Variants in U2SURP observed in about 807,000 individuals in gnomAD.
The protein encoded by U2SURP is U2 snRNP-associated SURP motif-containing protein.
A neutral mutation model predicts 144.9 loss-of-function variants in U2SURP; 9 were observed. That is an observed-to-expected ratio of 0.06 (90% CI 0.04 to 0.11). U2SURP has a LOEUF of 0.11. Ranked by LOEUF, U2SURP falls within the 10% of genes least tolerant of loss-of-function variation. The pLI is 1.00. For synonymous variants in U2SURP, 408 were observed against 396.8 expected, an observed-to-expected ratio of 1.03 and a Z score of -0.33; for missense variants, 724 against 1,226.7, an observed-to-expected ratio of 0.59 and a Z score of 6.12.
rs1392769861 is a variant in U2SURP, at chr3:143,036,157, G to A, written c.2064+53G>A. ...TTTTAAAATTCGTTTCTGGGGTGGA[G>A]GTTTCTTGGAGTTGTTCTGTGTTAC... On this transcript the variant is annotated intron_variant, in intron 20 of 27. Coordinates refer to ENST00000473835, the MANE Select transcript of U2SURP (RefSeq NM_001080415.2). 6 of 1,529,940 alleles carry A rather than the reference G, an allele frequency of 3.9e-6. No homozygotes were observed. In the South Asian group the frequency reaches 6.7e-5, roughly 17 times the overall value. The allele number at this position is 1,529,940 out of a possible 1,614,324, so 94.8% of individuals were successfully genotyped here. A position where few individuals can be genotyped will look rare whatever the true frequency, so the allele number is the denominator to read the frequency against.
Position 143,004,585 on chromosome 3 carries a change from C to CG in U2SURP, c.45+2913dup, listed in dbSNP as rs5853087. Among the ~76,000 whole-genome samples, 3 of 90,762 alleles carry CG rather than the reference C, an allele frequency of 3.3e-5. 1 individual carries two copies. The highest frequency in any genetic ancestry group is 6.3e-5 in the Non-Finnish European group (3 of 47,940). The allele number at this position is 90,762 out of a possible 152,430, so 59.5% of individuals were successfully genotyped here. ...TCTTGACCTTGTGACCCCCCCCCCC[C>CG]GCCTCGGCCTCCCAAAGTGCGGGGA... On this transcript the variant is annotated intron_variant, in intron 1 of 27. Coordinates refer to ENST00000473835, the MANE Select transcript of U2SURP (RefSeq NM_001080415.2).
chr3:143,058,669 G>A lies in U2SURP; in HGVS notation c.*2219G>A, dbSNP rs2108325854. On this transcript the variant is annotated 3_prime_UTR_variant, in exon 28 of 28. Transcript: ENST00000473835. ...GAGTAAACCTACTTAATACTCCCAT[G>A]GATTCTATGAAAGTTTAATGGGATC... The A allele has an allele frequency of 6.6e-6, 1 of 151,784 alleles. No individual in the cohort carries two copies. Among genetic ancestry groups the A allele is most frequent in the East Asian group, 1.9e-4 (1 of 5,184 alleles). The allele number at this position is 151,784 out of a possible 1,614,324, so 9.4% of individuals were successfully genotyped here. A position where few individuals can be genotyped will look rare whatever the true frequency, so the allele number is the denominator to read the frequency against.
At chr3:143,038,805 T>A in intron 22 of U2SURP, 89 bp from the exon 23 acceptor site, 3 of 961,420 alleles carry the variant, frequency 3.1e-6, no homozygotes, top group Non-Finnish European at 4.5e-6. Context: ...ATATAAACTT[T>A]TCAATTCTAA....
Position 143,001,589 on chromosome 3 carries a change from C to A in U2SURP, c.-40C>A, listed in dbSNP as rs775174964. ...TCCGCTCTTTCGGTGCTCGACTCGC[C>A]CGTGCTGCTGCCGCCGCCGAAGGAG... is the stretch of plus-strand genomic sequence containing the variant. On this transcript the variant is annotated 5_prime_UTR_variant, in exon 1 of 28. Transcript: ENST00000473835. The A allele has an allele frequency of 1.2e-6, 2 of 1,612,248 alleles. No homozygotes were observed.
chr3:143,050,435 A>G (rs1560206737), intron 24 of U2SURP, among the ~76,000 whole-genome samples: 1 of 152,054 alleles, frequency 6.6e-6, no homozygotes. Flanking sequence ...ATGTGATTTA[A>G]CCTTTTCTTT....
At chr3:143,046,925 G>A (rs1463204365) in intron 24 of U2SURP, among the ~76,000 whole-genome samples, 6 of 103,506 alleles carry the variant, frequency 5.8e-5, no homozygotes, top group African/African-American at 1.8e-4. Flanking sequence ...CCTCCCGGAC[G>A]GGGCGGCTGG....
At chr3:143,020,738 G>C (rs759828151) in intron 8 of U2SURP, 45 bp downstream of exon 8, 1 of 1,443,756 alleles carries the variant, frequency 6.9e-7, no homozygotes, top group African/African-American at 1.4e-5. Context: ...ATTAATTACA[G>C]TAGTTCCCAC....
Position 143,024,147 on chromosome 3 carries a change from G to A in U2SURP, c.1274+129G>A, listed in dbSNP as rs561905986. 6.7e-5 allele frequency: 53 copies of A among 790,302 alleles called. No individual in the cohort carries two copies. In the South Asian group the frequency reaches 7.7e-4, roughly 12 times the overall value. The allele number at this position is 790,302 out of a possible 1,614,324, so 49.0% of individuals were successfully genotyped here. ...ATGGTTCCTTCCCAGTACTTTTTGC[G>A]GGGGGATGTGTGAAATTTAACTAAC... On this transcript the variant is annotated intron_variant, in intron 13 of 27. Transcript: ENST00000473835.
chr3:143,005,316 G>A (rs1254470558), intron 1 of U2SURP, among the ~76,000 whole-genome samples: 1 of 152,170 alleles, frequency 6.6e-6, no homozygotes, highest in African/African-American at 2.4e-5. Context: ...TAAGTAAACT[G>A]AGGACCTGTT....
rs1443177386 is a variant in U2SURP at position 143,060,585 on chromosome 3, C to T, written c.*4135C>T. ...TGTAATTTTCTCCATATTGTTTTTC[C>T]GATGCAAGCCCAGTTAATAATTAGT... On this transcript the variant is annotated 3_prime_UTR_variant, in exon 28 of 28. Coordinates refer to ENST00000473835, the MANE Select transcript of U2SURP (RefSeq NM_001080415.2). 6.6e-6 allele frequency: 1 copy of T among 151,804 alleles called. No individual in the cohort carries two copies. Among genetic ancestry groups the T allele is most frequent in the Non-Finnish European group, 1.5e-5 (1 of 67,810 alleles). The allele number at this position is 151,804 out of a possible 1,614,324, so 9.4% of individuals were successfully genotyped here. A position where few individuals can be genotyped will look rare whatever the true frequency, so the allele number is the denominator to read the frequency against.
In U2SURP at chr3:143,020,637, G is replaced by T. The variant is rs1418385860; in HGVS notation, c.677G>T (p.Gly226Val). 2 of 1,612,992 alleles carry T rather than the reference G, an allele frequency of 1.2e-6. No individual in the cohort carries two copies. The highest frequency in any genetic ancestry group is 8.5e-7 in the Non-Finnish European group (1 of 1,179,480). Reference sequence around the variant, plus strand: ...CGTGATGAGAGACATAAAACAAAAGGCAGATTAAGTCGATTTGAACCTCCT... The same window carrying T: ...CGTGATGAGAGACATAAAACAAAAGTCAGATTAAGTCGATTTGAACCTCCT... ...EERDERHKTK[G>V]RLSRFEPPQS... Residue 226 changes from glycine (G) to valine (V), a missense_variant, in exon 8 of 28, where the codon GGC (glycine) becomes GTC (valine). Gly to Val is a moderately radical substitution (Grantham distance 109, BLOSUM62 -3). Coordinates refer to ENST00000473835, the MANE Select transcript of U2SURP (RefSeq NM_001080415.2).
chr3:143,055,174 A>G, intron 27 of U2SURP, 55 bp downstream of exon 27: 2 of 1,427,674 alleles, frequency 1.4e-6, no homozygotes, highest in South Asian at 2.8e-5. Context: ...TTGTCATTTC[A>G]TCAGCTTTTG....
At chr3:143,056,110 G>A (rs960261006) in intron 27 of U2SURP, among the ~76,000 whole-genome samples, 19 of 152,130 alleles carry the variant, frequency 1.2e-4, no homozygotes, top group African/African-American at 4.3e-4. Context: ...CTCTACTGAT[G>A]ATCATTGATG....
Position 143,023,038 on chromosome 3 carries a change from C to T in U2SURP, c.1204C>T (p.Pro402Ser). The T allele has an allele frequency of 6.2e-7, 1 of 1,605,422 alleles. No individual in the cohort carries two copies. The highest frequency in any genetic ancestry group is 8.5e-7 in the Non-Finnish European group (1 of 1,176,556). Residue 402 changes from proline to serine, a missense_variant, in exon 12 of 28, where the codon CCT (proline) becomes TCT (serine). Pro to Ser is a moderately conservative substitution (Grantham distance 74, BLOSUM62 -1). Around this residue, in one of 13 missense-constraint regions of U2SURP, gnomAD observed 64 missense variants for 164.1 expected, o/e 0.39. Transcript: ENST00000473835. ...KNPNAPMLPP[P>S]KNKEDFEKTL... ...CCCTAATGCTCCTATGTTACCGCCA[C>T]CTAAAAACAAAGAGGATTTTGAGAA...
At chr3:143,018,900 G>A (rs1936505961) in intron 6 of U2SURP, among the ~76,000 whole-genome samples, 1 of 152,084 alleles carries the variant, frequency 6.6e-6, no homozygotes, top group African/African-American at 2.4e-5. Context: ...ACTCCAGCCT[G>A]GGCAACAAGA....
intron 22 of U2SURP, 145 bp from the exon 23 acceptor site, chr3:143,038,749 T>G: frequency 1.9e-6 from 1 of 539,792 alleles, no homozygotes; most frequent in Non-Finnish European, 3.2e-6. Context: ...CATATAGAAA[T>G]AACTATTTAG....
intron 21 of U2SURP, 60 bp downstream of exon 21, chr3:143,037,395 AT>A: frequency 6.9e-7 from 1 of 1,446,736 alleles, no homozygotes; most frequent in Non-Finnish European, 9.6e-7. Context: ...CAAAACTCTA[AT>A]TTCCATACAT....
intron 11 of U2SURP, 29 bp downstream of exon 11, chr3:143,022,691 C>G (rs760029197): frequency 6.3e-7 from 1 of 1,585,712 alleles, no homozygotes; most frequent in South Asian, 1.1e-5. Flanking sequence ...TCCATTTATA[C>G]AATTCAGATA....
At chr3:143,043,717 G>GTATATATATA (rs5853088) in intron 24 of U2SURP, among the ~76,000 whole-genome samples, 8 of 147,374 alleles carry the variant, frequency 5.4e-5, no homozygotes, top group African/African-American at 2.0e-4. Context: ...TAGATTATAT[G>GTATATATATA]TATATATATA....
Sources: gnomAD v4.1 joint callset for allele counts (sites outside exome capture counted in the v4.1 genomes callset) on GRCh38, gnomAD v4.1.1 for gene constraint, gnomAD v4.1.1 regional missense constraint, MANE v1.5 for transcripts, NCBI Gene and HGNC (gene_info 2026-07-23, HGNC 2026-07-21) for gene names.